Variants in ABR observed in about 807,000 individuals in gnomAD.
ABR encodes ABR activator of RhoGEF and GTPase, also known as active breakpoint cluster region-related protein.
ABR carries 35 observed loss-of-function variants against 107.2 expected under a neutral mutation model. The ratio of observed to expected loss-of-function variants is 0.33; its 90% CI spans 0.25 to 0.43. The LOEUF (loss-of-function observed/expected upper bound fraction) is 0.43. ABR is among the 20% of genes least tolerant of loss of function. The probability of loss-of-function intolerance (pLI) is 1.00; values close to 1 mark genes in which losing one functional copy is unlikely to be tolerated. For synonymous variants in ABR, 498 were observed against 462.0 expected (o/e 1.08, Z -1.00); for missense variants, 815 against 1,115.2 (o/e 0.73, Z 3.83).
intron 1 of ABR, among the ~76,000 whole-genome samples, chr17:1,143,092 T>C (rs1222455084): frequency 6.6e-4 from 12 of 18,174 alleles, no homozygotes; most frequent in African/African-American, 2.0e-3. Context: ...GGACAGCTCA[T>C]TCCTGGGGGA....
At chr17:1,175,358 G>A (rs865855851) in intron 1 of ABR, among the ~76,000 whole-genome samples, 3 of 152,206 alleles carry the variant, frequency 2.0e-5, no homozygotes, top group African/African-American at 4.8e-5. Flanking sequence ...GTTGCAGTGA[G>A]CCGAGATCGC....
rs534716006 is a variant in ABR at position 1,150,079 on chromosome 17, C to T, written c.62-24712G>A. ...TGTTGTCCCTGTTGTTATGATTTCT[C>T]CCCATAGTCCCGGCCTGGGAGAGAC... On this transcript the variant is annotated intron_variant, in intron 1 of 22. Coordinates refer to ENST00000302538, the MANE Select transcript of ABR (RefSeq NM_021962.5). The surrounding 1 kb of genome is among the most constrained non-coding windows in gnomAD (Gnocchi z 4.8). Among the ~76,000 whole-genome samples the T allele has an allele frequency of 3.0e-4, 45 of 152,168 alleles. No individual in the cohort carries two copies. Among genetic ancestry groups the T allele is most frequent in the African/African-American group, 1.0e-3 (43 of 41,542 alleles).
chr17:1,186,112 C>T (rs1021160245), intron 1 of ABR, among the ~76,000 whole-genome samples: 2 of 152,244 alleles, frequency 1.3e-5, no homozygotes, highest in Non-Finnish European at 2.9e-5. Context: ...GCTGGGATTA[C>T]AGGCGTGAGC....
intron 1 of ABR, among the ~76,000 whole-genome samples, chr17:1,151,022 G>C (rs576970750): frequency 6.6e-6 from 1 of 152,306 alleles, no homozygotes; most frequent in Admixed American, 6.5e-5. Flanking sequence ...CTCATGCTCT[G>C]CAGCCAGACT....
intron 1 of ABR, among the ~76,000 whole-genome samples, chr17:1,214,844 T>G (rs575257630): frequency 1.1e-4 from 17 of 151,758 alleles, no homozygotes; most frequent in Non-Finnish European, 2.1e-4. Context: ...AGTTTTTCCC[T>G]GTAATGTGGC....
chr17:1,177,171 C>G (rs1319485421), intron 1 of ABR, among the ~76,000 whole-genome samples: 1 of 152,186 alleles, frequency 6.6e-6, no homozygotes, highest in East Asian at 1.9e-4. Flanking sequence ...CTGGGAGCCA[C>G]AAAACCTTGC....
At chr17:1,088,580 T>C (rs988996942) in intron 4 of ABR, among the ~76,000 whole-genome samples, 3 of 152,000 alleles carry the variant, frequency 2.0e-5, no homozygotes, top group Admixed American at 6.6e-5. Context: ...TCTTTTACTT[T>C]ATTGTATTCT....
chr17:1,206,830 A>T (rs1280074931), intron 1 of ABR, among the ~76,000 whole-genome samples: 1 of 152,212 alleles, frequency 6.6e-6, no homozygotes, highest in Non-Finnish European at 1.5e-5. Context: ...CATGCTTGTC[A>T]TCCCAGCACT....
chr17:1,076,889 T>C (rs965709644), intron 6 of ABR, among the ~76,000 whole-genome samples: 1 of 152,194 alleles, frequency 6.6e-6, no homozygotes, highest in African/African-American at 2.4e-5. Context: ...CCTGGGCTCC[T>C]GCAGGCTGGC....
rs2037118568 is a variant in ABR, at chr17:1,092,737, G to A, written c.346-887C>T. On this transcript the variant is annotated intron_variant, in intron 3 of 22. Transcript: ENST00000302538. The surrounding 1 kb of genome is among the most constrained non-coding windows in gnomAD (Gnocchi z 4.6). ...AAACCAAAGATGACCAGGCTGTACT[G>A]CAAAGGCCCTGCAGGACACAGGGCC... Among the ~76,000 whole-genome samples the A allele has an allele frequency of 6.6e-6, 1 of 151,622 alleles. No individual in the cohort carries two copies. Among genetic ancestry groups the A allele is most frequent in the Admixed American group, 6.6e-5 (1 of 15,234 alleles).
At chr17:1,085,098 G>A (rs1265568839) in intron 4 of ABR, among the ~76,000 whole-genome samples, 4 of 149,908 alleles carry the variant, frequency 2.7e-5, no homozygotes, top group Admixed American at 1.3e-4. Flanking sequence ...CACTGCGCCC[G>A]GCCAATTAAA....
intron 1 of ABR, among the ~76,000 whole-genome samples, chr17:1,222,770 C>G (rs1218382316): frequency 6.6e-6 from 1 of 151,918 alleles, no homozygotes; most frequent in Non-Finnish European, 1.5e-5. Flanking sequence ...AATTAGCCGG[C>G]TCGTGGCATG....
At chr17:1,036,167 G>A (rs1223225760) in intron 16 of ABR, among the ~76,000 whole-genome samples, 4 of 152,154 alleles carry the variant, frequency 2.6e-5, no homozygotes, top group South Asian at 2.1e-4. Context: ...CTTGAACCCC[G>A]ATTCCTCGTC....
At chr17:1,126,237 G>C (rs564095794) in intron 1 of ABR, 2 of 152,538 alleles carry the variant, frequency 1.3e-5, no homozygotes, top group African/African-American at 2.4e-5. Flanking sequence ...GGGCGGCCTC[G>C]GAAAGGCCCC....
intron 2 of ABR, among the ~76,000 whole-genome samples, chr17:1,107,143 G>A (rs75223516): frequency 3.3e-4 from 51 of 152,376 alleles, no homozygotes; most frequent in African/African-American, 1.2e-3. Context: ...CTTCCCCCAT[G>A]CTGGCAGCAA....
At chr17:1,101,817 T>C (rs1281960307) in intron 2 of ABR, among the ~76,000 whole-genome samples, 1 of 151,032 alleles carries the variant, frequency 6.6e-6, no homozygotes, top group Non-Finnish European at 1.5e-5. Context: ...CACTGCAAGC[T>C]CCGCCTCCCG....
chr17:1,010,811 G>A lies in ABR; in HGVS notation c.2154C>T (p.Ala718=), dbSNP rs755640635. The change falls in exon 20 of 23, where the codon GCC becomes GCT. Residue 718 remains alanine, a synonymous_variant. Coordinates refer to ENST00000302538, the MANE Select transcript of ABR (RefSeq NM_021962.5). This position sits in a 1 kb window ranked among gnomAD's most constrained non-coding sequence, Gnocchi z 4.1. Reference sequence around the variant, plus strand: ...CCCGGAAGTACAGCTTGAGCGTCCCGGCGATGGCGTTGATGTCCATGTCAC... The same window carrying A: ...CCCGGAAGTACAGCTTGAGCGTCCCAGCGATGGCGTTGATGTCCATGTCAC... ...MLSDMDINAI[A]GTLKLYFREL... is the part of the protein sequence containing the mutation. 42 of 1,613,746 alleles carry A rather than the reference G, an allele frequency of 2.6e-5. No homozygotes were observed. The highest frequency in any genetic ancestry group is 1.7e-4 in the Admixed American group (10 of 59,992).
chr17:1,194,744 C>T lies in ABR; in HGVS notation c.838+34049G>A, dbSNP rs1194457813. Among the ~76,000 whole-genome samples, 4 of 124,852 alleles carry T rather than the reference C, an allele frequency of 3.2e-5. 1 individual carries two copies. Among genetic ancestry groups the T allele is most frequent in the African/African-American group, 1.1e-4 (4 of 36,806 alleles). The allele number at this position is 124,852 out of a possible 152,430, so 81.9% of individuals were successfully genotyped here. ...TCTCAGCTCACTGCAACCTCCACCT[C>T]CCGGGTTCAAGCAATCCTCCTGCCT... On this transcript the variant is annotated intron_variant, in intron 1 of 22. Coordinates refer to the ABR transcript ENST00000574139.
Position 1,179,528 on chromosome 17 carries a change from CGCCCGCGCTCCCCGGACCA to C in ABR, c.61+120_61+138del. The C allele has an allele frequency of 1.1e-6, 1 of 927,812 alleles. No homozygotes were observed. Among genetic ancestry groups the C allele is most frequent in the East Asian group, 3.3e-5 (1 of 30,082 alleles). The allele number at this position is 927,812 out of a possible 1,614,324, so 57.5% of individuals were successfully genotyped here. A position where few individuals can be genotyped will look rare whatever the true frequency, so the allele number is the denominator to read the frequency against. On this transcript the variant is annotated intron_variant, in intron 1 of 22. Coordinates refer to ENST00000302538, the MANE Select transcript of ABR (RefSeq NM_021962.5). This position sits in a 1 kb window ranked among gnomAD's most constrained non-coding sequence, Gnocchi z 4.9. ...CCGATCCGGACCCCGATCTCGCCCC[CGCCCGCGCTCCCCGGACCA>C]GCCCGGTGCCTGGGTCCCGATCCCG...
Sources: allele counts gnomAD v4.1 joint callset (sites outside exome capture counted in the v4.1 genomes callset), GRCh38; gene constraint gnomAD v4.1.1; non-coding constraint Gnocchi (gnomAD v3.1); transcripts MANE v1.5; gene names NCBI Gene and HGNC (gene_info 2026-07-23, HGNC 2026-07-21).